Variants in VWA8 observed in about 807,000 individuals in gnomAD.
VWA8 encodes the protein von Willebrand factor A domain-containing protein 8.
In VWA8, 221 loss-of-function variants were observed where a neutral mutation model predicts 241.5. That is an observed-to-expected ratio of 0.91 (90% CI 0.82 to 1.02). The LOEUF (loss-of-function observed/expected upper bound fraction) is 1.02. Ranked by LOEUF, VWA8 falls within the 50% of genes least tolerant of loss-of-function variation. VWA8 has a pLI of 0.00. For missense variants in VWA8, 2,322 were observed against 2,328.7 expected (o/e 1.00, Z 0.06); for synonymous variants, 852 against 827.1 (o/e 1.03, Z -0.52).
intron 43 of VWA8, 105 bp downstream of exon 43, chr13:41,575,635 G>T: frequency 1.3e-6 from 1 of 756,744 alleles, no homozygotes; most frequent in Non-Finnish European, 2.1e-6. Flanking sequence ...GTGTGAAACA[G>T]TCTTTTTCTT....
chr13:41,614,650 C>T (rs974744952), intron 38 of VWA8, among the ~76,000 whole-genome samples: 5 of 152,176 alleles, frequency 3.3e-5, no homozygotes, highest in African/African-American at 1.2e-4. Flanking sequence ...GCACTGTGCT[C>T]AGTGCTTAAC....
At chr13:41,778,524 T>G (rs1034110083) in intron 19 of VWA8, among the ~76,000 whole-genome samples, 4 of 152,146 alleles carry the variant, frequency 2.6e-5, no homozygotes, top group Admixed American at 2.6e-4. Context: ...TCCACACTTT[T>G]TAATTTGAAT....
intron 12 of VWA8, chr13:41,864,593 A>G (rs541134148): frequency 8.1e-5 from 36 of 443,064 alleles, no homozygotes; most frequent in Middle Eastern, 3.3e-4. Context: ...GACAAAAATT[A>G]TATGATTCCA....
At chr13:41,794,628 T>C (rs1197148291) in intron 17 of VWA8, among the ~76,000 whole-genome samples, 1 of 152,206 alleles carries the variant, frequency 6.6e-6, no homozygotes, top group African/African-American at 2.4e-5. Flanking sequence ...GCTTTATTTC[T>C]TTCTCTTGCC....
intron 2 of VWA8, among the ~76,000 whole-genome samples, chr13:41,929,521 TC>T (rs1877009123): frequency 6.6e-6 from 1 of 152,066 alleles, no homozygotes; most frequent in South Asian, 2.1e-4. Context: ...CTAGTATGTA[TC>T]AGTTTTTAAA....
In VWA8 at chr13:41,811,288, C is replaced by A. The variant is rs753597681; in HGVS notation, c.2000G>T (p.Arg667Leu). ...LSTRQLLRIS[R>L]RLSQYPNENL... The stretch of plus-strand genomic sequence containing the variant: ...TTCATTAGGATACTGTGACAGCCGA[C>A]GAGAAATTCGCAACAGTTGTCTGGT... The change falls in exon 17 of 45, where the codon CGT (arginine) becomes CTT (leucine). Residue 667 changes from arginine (R) to leucine (L), a missense_variant. By Grantham distance (102) the Arg-to-Leu change is moderately radical. Coordinates refer to ENST00000379310, the MANE Select transcript of VWA8 (RefSeq NM_015058.2). The A allele has an allele frequency of 6.2e-7, 1 of 1,610,814 alleles. No individual in the cohort carries two copies.
chr13:41,639,204 T>G (rs139877498), intron 37 of VWA8, among the ~76,000 whole-genome samples: 1 of 151,972 alleles, frequency 6.6e-6, no homozygotes, highest in Non-Finnish European at 1.5e-5. Flanking sequence ...TCTAAACACA[T>G]TCCTTTAAAT....
chr13:41,893,811 G>T (rs1364277936), intron 4 of VWA8, among the ~76,000 whole-genome samples: 1 of 152,100 alleles, frequency 6.6e-6, no homozygotes, highest in Non-Finnish European at 1.5e-5. Context: ...TTGAACCCAG[G>T]AGGCAGAGGT....
chr13:41,821,859 CATGG>C (rs1054051928), intron 14 of VWA8, among the ~76,000 whole-genome samples: 21 of 152,202 alleles, frequency 1.4e-4, no homozygotes, highest in African/African-American at 5.1e-4. Context: ...TACGTAACAA[CATGG>C]ATGATCTCAA....
intron 39 of VWA8, among the ~76,000 whole-genome samples, chr13:41,607,177 C>T (rs2044558837): frequency 6.6e-6 from 1 of 152,180 alleles, no homozygotes; most frequent in South Asian, 2.1e-4. Flanking sequence ...TTCCACTGAA[C>T]TTCCAGTACC....
chr13:41,699,488 T>A (rs1192435578), intron 28 of VWA8, among the ~76,000 whole-genome samples: 1 of 152,112 alleles, frequency 6.6e-6, no homozygotes, highest in Non-Finnish European at 1.5e-5. Context: ...CTTGAAAAAA[T>A]TGGTTATCTA....
intron 43 of VWA8, 88 bp downstream of exon 43, chr13:41,575,652 G>A: frequency 7.8e-6 from 7 of 902,986 alleles, no homozygotes; most frequent in South Asian, 1.8e-5. Context: ...TCTTTCCTGT[G>A]TATCTGCTGC....
chr13:41,721,664 T>C, intron 24 of VWA8, 89 bp from the exon 25 acceptor site: 7 of 1,340,604 alleles, frequency 5.2e-6, no homozygotes, highest in Non-Finnish European at 5.1e-6. Context: ...AAAGAGCCAC[T>C]GGTTGCTCAT....
intron 41 of VWA8, among the ~76,000 whole-genome samples, chr13:41,588,482 AG>A (rs1355530192): frequency 1.3e-5 from 2 of 152,204 alleles, no homozygotes; most frequent in Non-Finnish European, 2.9e-5. Context: ...GTGCTTTGGG[AG>A]GCCAAGGTGG....
At chr13:41,910,256 T>C (rs1284078436) in intron 3 of VWA8, among the ~76,000 whole-genome samples, 4 of 152,140 alleles carry the variant, frequency 2.6e-5, no homozygotes, top group Admixed American at 2.0e-4. Context: ...AGTGAGATAT[T>C]GTGGTCTTTG....
intron 26 of VWA8, among the ~76,000 whole-genome samples, chr13:41,709,111 A>G (rs566783292): frequency 8.1e-4 from 123 of 152,310 alleles, no homozygotes; most frequent in South Asian, 6.2e-4. Flanking sequence ...AATTTCCTGT[A>G]TTTCTCACAA....
chr13:41,955,507 T>C (rs1878313065), intron 1 of VWA8, among the ~76,000 whole-genome samples: 1 of 152,216 alleles, frequency 6.6e-6, no homozygotes, highest in Admixed American at 6.5e-5. Context: ...TGGTCTCACT[T>C]TGACCAGAAC....
At chr13:41,848,038 A>T (rs984573047) in intron 12 of VWA8, among the ~76,000 whole-genome samples, 5 of 152,314 alleles carry the variant, frequency 3.3e-5, no homozygotes, top group South Asian at 4.1e-4. Flanking sequence ...GTTACAGTAG[A>T]TCCTGCAAAA....
At chr13:41,676,722 T>G (rs1260043012) in intron 35 of VWA8, among the ~76,000 whole-genome samples, 1 of 152,198 alleles carries the variant, frequency 6.6e-6, no homozygotes, top group Non-Finnish European at 1.5e-5. Context: ...AACCTCCGCC[T>G]CCTCTGTTCA....
Sources: gnomAD v4.1 joint callset for allele counts (sites outside exome capture counted in the v4.1 genomes callset) on GRCh38, gnomAD v4.1.1 for gene constraint, MANE v1.5 for transcripts, NCBI Gene and HGNC (gene_info 2026-07-23, HGNC 2026-07-21) for gene names.